The following SCN9A variants were observed in gnomAD, a reference collection of about 807,000 sequenced individuals.
The protein encoded by SCN9A is sodium channel protein type 9 subunit alpha.
A neutral mutation model predicts 187.0 loss-of-function variants in SCN9A; 131 were observed. The ratio of observed to expected loss-of-function variants is 0.70; its 90% CI spans 0.61 to 0.81. SCN9A has a LOEUF of 0.81. Ranked by LOEUF, SCN9A falls within the 30% of genes least tolerant of loss-of-function variation. The pLI, the probability that SCN9A is intolerant of heterozygous loss-of-function variation, is 0.00. For missense variants in SCN9A, 2,252 were observed against 2,396.6 expected (o/e 0.94, Z 1.26); for synonymous variants, 809 against 808.6 (o/e 1.00, Z -0.01).
chr2:166,307,740 A>G (rs1698805578), intron 2 of SCN9A, among the ~76,000 whole-genome samples: 1 of 152,210 alleles, frequency 6.6e-6, no homozygotes, highest in African/African-American at 2.4e-5. Context: ...TTGAAATGTT[A>G]TTGTAGCCAT....
chr2:166,313,618 T>C (rs1559036461), intron 1 of SCN9A, among the ~76,000 whole-genome samples: 1 of 152,236 alleles, frequency 6.6e-6, no homozygotes, highest in East Asian at 1.9e-4. Context: ...GGAAATGTTG[T>C]GGCTGGTTGA....
chr2:166,321,370 A>G (rs1321158205), intron 1 of SCN9A: 1 of 152,072 alleles, frequency 6.6e-6, no homozygotes, highest in Non-Finnish European at 1.5e-5. Context: ...AAGTACAAAA[A>G]TTAGCCAGGC....
chr2:166,210,756 G>C (rs115778390), intron 24 of SCN9A, among the ~76,000 whole-genome samples: 12 of 151,976 alleles, frequency 7.9e-5, no homozygotes, highest in Non-Finnish European at 1.5e-4. Context: ...ATCCCAAATA[G>C]GACAAATCTA....
At chr2:166,344,708 CTT>C (rs1699861135) in intron 1 of SCN9A, among the ~76,000 whole-genome samples, 4 of 152,124 alleles carry the variant, frequency 2.6e-5, no homozygotes. Context: ...TTTCATGTCT[CTT>C]TTCTGGAAAG....
chr2:166,212,379 T>C (rs1471688344), intron 24 of SCN9A, among the ~76,000 whole-genome samples: 2 of 152,142 alleles, frequency 1.3e-5, no homozygotes, highest in Non-Finnish European at 2.9e-5. Context: ...TAAAAAACTG[T>C]CACAAGAGAC....
In SCN9A at chr2:166,284,469, G is replaced by A. The variant is rs778279898; in HGVS notation, c.1958C>T (p.Ala653Val). 6.2e-7 allele frequency: 1 copy of A among 1,612,982 alleles called. No homozygotes were observed. The highest frequency in any genetic ancestry group is 8.5e-7 in the Non-Finnish European group (1 of 1,179,608). ...QLLPEVIIDK[A>V]TSDDSGTTNQ... The stretch of plus-strand genomic sequence containing the variant: ...CGTCCTTACGCTGTCATCAGAAGTT[G>A]CCTTATCTATTATCACCTCTGGCAG... The change falls in exon 12 of 27, where the codon GCA (alanine) becomes GTA (valine). Residue 653 changes from alanine to valine, a missense_variant. Around this residue, in one of 7 missense-constraint regions of SCN9A, gnomAD observed 1,013 missense variants for 997.4 expected, o/e 1.02. Coordinates refer to ENST00000642356, the MANE Select transcript of SCN9A (RefSeq NM_001365536.1).
chr2:166,280,752 G>A (rs1293886886), intron 13 of SCN9A, among the ~76,000 whole-genome samples, 157 bp from the exon 14 acceptor site: 1 of 152,160 alleles, frequency 6.6e-6, no homozygotes, highest in Non-Finnish European at 1.5e-5. Context: ...AGCCTCTTAT[G>A]TAAGTCTATT....
intron 1 of SCN9A, among the ~76,000 whole-genome samples, chr2:166,319,752 A>G (rs1699193044): frequency 6.6e-6 from 1 of 152,172 alleles, no homozygotes; most frequent in Non-Finnish European, 1.5e-5. Flanking sequence ...CAAGATATAC[A>G]CATATATGTG....
chr2:166,280,685 A>C, intron 13 of SCN9A, 90 bp from the exon 14 acceptor site: 1 of 741,854 alleles, frequency 1.3e-6, no homozygotes, highest in African/African-American at 1.8e-5. Context: ...CTAATATTGA[A>C]ACAAGGTTTA....
chr2:166,279,622 T>C (rs554665739), intron 14 of SCN9A, among the ~76,000 whole-genome samples: 1 of 152,162 alleles, frequency 6.6e-6, no homozygotes, highest in Non-Finnish European at 1.5e-5. Context: ...TTCAACCATT[T>C]TGGTTTCTCA....
chr2:166,312,784 T>C (rs899847510), intron 1 of SCN9A, among the ~76,000 whole-genome samples: 2 of 151,464 alleles, frequency 1.3e-5, no homozygotes, highest in Non-Finnish European at 2.9e-5. Flanking sequence ...ACCAGGCACA[T>C]TGTCAATAGG....
chr2:166,213,458 CCAATAA>C (rs1235775853), intron 24 of SCN9A, among the ~76,000 whole-genome samples: 12 of 86,254 alleles, frequency 1.4e-4, no homozygotes, highest in Admixed American at 2.7e-4. Flanking sequence ...ACAAATTGAA[CCAATAA>C]TAATAATAAT....
intron 24 of SCN9A, among the ~76,000 whole-genome samples, chr2:166,208,014 G>A (rs6755487): frequency 0.033 from 4,963 of 152,230 alleles, 268 homozygotes; most frequent in African/African-American, 0.11. Context: ...TGATATCCTG[G>A]TTGTCAATAT....
intron 12 of SCN9A, among the ~76,000 whole-genome samples, chr2:166,282,791 G>A (rs1697552252): frequency 6.6e-6 from 1 of 152,138 alleles, no homozygotes; most frequent in African/African-American, 2.4e-5. Flanking sequence ...CTATGTGTAT[G>A]TGAACAGACA....
intron 17 of SCN9A, 24 bp downstream of exon 17, chr2:166,272,375 A>C: frequency 7.4e-7 from 1 of 1,354,958 alleles, no homozygotes; most frequent in Non-Finnish European, 1.0e-6. Context: ...AATATGAAAC[A>C]CAAAGTATAT....
rs144270467 is a variant in SCN9A at position 166,320,838 on chromosome 2, TC to T, written c.-50-9033del. ...TAAGTATCATTTGTCTCTATGGTTG[TC>T]AAGAGTGTATATATCAGAATGCAGG... is the stretch of plus-strand genomic sequence containing the variant. On this transcript the variant is annotated intron_variant, in intron 1 of 26. Coordinates refer to ENST00000642356, the MANE Select transcript of SCN9A (RefSeq NM_001365536.1). Among the ~76,000 whole-genome samples, 374 of 152,282 alleles carry T rather than the reference TC, an allele frequency of 2.5e-3. 10 individuals carry two copies. In the East Asian group the frequency reaches 0.064, roughly 26 times the overall value.
intron 1 of SCN9A, among the ~76,000 whole-genome samples, chr2:166,350,620 A>G (rs1700011318): frequency 6.6e-6 from 1 of 152,176 alleles, no homozygotes; most frequent in Non-Finnish European, 1.5e-5. Flanking sequence ...CATTGAATTG[A>G]GCTCTTAGAA....
chr2:166,217,482 C>T (rs920061627), intron 24 of SCN9A, among the ~76,000 whole-genome samples: 24 of 151,908 alleles, frequency 1.6e-4, no homozygotes, highest in Admixed American at 1.6e-3. Flanking sequence ...TAATATCCAA[C>T]ATTATACATA....
intron 1 of SCN9A, among the ~76,000 whole-genome samples, chr2:166,365,436 C>T (rs1489952389): frequency 1.3e-5 from 2 of 152,148 alleles, no homozygotes; most frequent in African/African-American, 2.4e-5. Context: ...ACACTCATCC[C>T]TTTCCAAAGT....
Sources: gnomAD v4.1 joint callset for allele counts (sites outside exome capture counted in the v4.1 genomes callset) on GRCh38, gnomAD v4.1.1 for gene constraint, gnomAD v4.1.1 regional missense constraint, MANE v1.5 for transcripts, NCBI Gene and HGNC (gene_info 2026-07-23, HGNC 2026-07-21) for gene names.